The following CENPF variants were observed in gnomAD, a reference collection of about 807,000 sequenced individuals.
CENPF encodes the protein AH antigen.
In CENPF, 214 loss-of-function variants were observed where a neutral mutation model predicts 307.3. That is an observed-to-expected ratio of 0.70 (90% CI 0.62 to 0.78). The LOEUF is 0.78. Ranked by LOEUF, CENPF falls within the 30% of genes least tolerant of loss-of-function variation. CENPF has a pLI of 0.00. For synonymous variants in CENPF, 1,259 were observed against 1,270.6 expected (o/e 0.99, Z 0.19); for missense variants, 3,401 against 3,483.9 (o/e 0.98, Z 0.60).
rs763290470 is a variant in CENPF at position 214,663,689 on chromosome 1, G to A, written c.9240G>A (p.Pro3080=). 35 of 1,613,862 alleles carry A rather than the reference G, an allele frequency of 2.2e-5. No homozygotes were observed. Among genetic ancestry groups the A allele is most frequent in the South Asian group, 3.3e-5 (3 of 91,042 alleles). Residue 3080 remains proline (P), a synonymous_variant, in exon 20 of 20, where the codon CCG becomes CCA. Transcript: ENST00000366955. ...VPVNNLPERS[P]TDSPREGLRV... is the part of the protein sequence containing the mutation. ...TCAATAATCTTCCTGAGAGAAGTCC[G>A]ACTGACAGCCCCAGAGAGGGCCTGA...
Position 214,643,278 on chromosome 1 carries a change from G to A in CENPF, c.4940G>A (p.Gly1647Asp). Reference sequence around the variant, plus strand: ...GAAGTAGCACGACTCCAGCTACAAGGTCTGGACTTAAGTTCTCGGTCTTTG... The same window carrying A: ...GAAGTAGCACGACTCCAGCTACAAGATCTGGACTTAAGTTCTCGGTCTTTG... ...ELEVARLQLQ[G>D]LDLSSRSLLG... The change falls in exon 12 of 20, where the codon GGT (glycine) becomes GAT (aspartate). Residue 1647 changes from glycine (G) to aspartate (D), a missense_variant. Coordinates refer to ENST00000366955, the MANE Select transcript of CENPF (RefSeq NM_016343.4). The A allele has an allele frequency of 6.5e-7, 1 of 1,544,014 alleles. No homozygotes were observed. The highest frequency in any genetic ancestry group is 8.7e-7 in the Non-Finnish European group (1 of 1,151,484).
intron 10 of CENPF, among the ~76,000 whole-genome samples, chr1:214,636,287 T>A (rs1657964499): frequency 6.6e-6 from 1 of 152,234 alleles, no homozygotes; most frequent in South Asian, 2.1e-4. Context: ...AATTTAATGA[T>A]GCTAATTTAA....
At chr1:214,617,927 TA>T (rs1392427585) in intron 3 of CENPF, among the ~76,000 whole-genome samples, 2 of 152,204 alleles carry the variant, frequency 1.3e-5, no homozygotes, top group Non-Finnish European at 1.5e-5. Flanking sequence ...CAAACTGCTA[TA>T]AAGAACTGCC....
chr1:214,659,185 G>A lies in CENPF; in HGVS notation c.9141+157G>A, dbSNP rs1274018604. 2.0e-5 allele frequency among the ~76,000 whole-genome samples: 3 copies of A among 152,090 alleles called. No homozygotes were observed. The highest frequency in any genetic ancestry group is 4.8e-5 in the African/African-American group (2 of 41,392). On this transcript the variant is annotated intron_variant, in intron 19 of 19. Transcript: ENST00000366955. This position sits in a 1 kb window ranked among gnomAD's most constrained non-coding sequence, Gnocchi z 4.4. ...GTCAGTCAGTAGTGAGCAAGTGACCGGGTGAGCATTACAGTATCAGGGTAC... is the reference window on the plus strand; with the variant it reads ...GTCAGTCAGTAGTGAGCAAGTGACCAGGTGAGCATTACAGTATCAGGGTAC...
chr1:214,622,549 G>C (rs1186302323), intron 7 of CENPF, among the ~76,000 whole-genome samples: 1 of 152,164 alleles, frequency 6.6e-6, no homozygotes, highest in South Asian at 2.1e-4. Context: ...TAAAGAAAAT[G>C]TATATATAGC....
chr1:214,621,964 G>T lies in CENPF; in HGVS notation c.866-115G>T, dbSNP rs116709782. On this transcript the variant is annotated intron_variant, in intron 6 of 19. Transcript: ENST00000366955. ...CCAATTAAAGTAGCTTCTGTATTTA[G>T]TGTAAATATTTGTTTCGTCAAAGAT... is the stretch of plus-strand genomic sequence containing the variant. The T allele has an allele frequency of 0.017, 12,959 of 782,404 alleles. 167 individuals are homozygous for T. The highest frequency in any genetic ancestry group is 0.043 in the African/African-American group (2,413 of 56,698). The allele number at this position is 782,404 out of a possible 1,614,324, so 48.5% of individuals were successfully genotyped here.
Position 214,614,839 on chromosome 1 carries a change from A to G in CENPF, c.170A>G (p.Asn57Ser). 2 of 1,573,950 alleles carry G rather than the reference A, an allele frequency of 1.3e-6. No homozygotes were observed. The highest frequency in any genetic ancestry group is 1.7e-6 in the Non-Finnish European group (2 of 1,164,220). ...ALQKQKQKVE[N>S]EKTEGTNLKR... ...CTGAACAATTCTCATTAGGTTGAAA[A>G]TGAAAAAACCGAGGGTACAAACCTG... is the stretch of plus-strand genomic sequence containing the variant. The change falls in exon 3 of 20, where the codon AAT becomes AGT. Residue 57 changes from asparagine (N) to serine (S), a missense_variant. By Grantham distance (46) the Asn-to-Ser change is conservative. Transcript: ENST00000366955.
chr1:214,652,068 A>ATTTTTTTTTTTTTT (rs35011701), intron 15 of CENPF, among the ~76,000 whole-genome samples, 182 bp downstream of exon 15: 1 of 127,096 alleles, frequency 7.9e-6, no homozygotes, highest in African/African-American at 3.0e-5. Flanking sequence ...TTATCAGTTG[A>ATTTTTTTTTTTTTT]TTTTTTTTTT....
chr1:214,613,715 T>G lies in CENPF; in HGVS notation c.-40T>G. The G allele has an allele frequency of 6.5e-7, 1 of 1,544,928 alleles. No homozygotes were observed. Among genetic ancestry groups the G allele is most frequent in the Non-Finnish European group, 8.7e-7 (1 of 1,148,082 alleles). On this transcript the variant is annotated splice_region_variant and 5_prime_UTR_variant, in exon 2 of 20. Transcript: ENST00000366955. ...CAACAGTCTGGTTATTCTTTTCAGT[T>G]TATTTACAAATGTTGGAGTAATAAA... is the stretch of plus-strand genomic sequence containing the variant.
At chr1:214,622,318 A>G (rs1253843842) in intron 7 of CENPF, 37 bp downstream of exon 7, 3 of 1,457,036 alleles carry the variant, frequency 2.1e-6, no homozygotes, top group Non-Finnish European at 2.8e-6. Flanking sequence ...AGAAATCTTC[A>G]TCTTTTCATA....
At position 214,622,084 on chromosome 1, in the gene CENPF, A is replaced by G. The variant is rs551451575; in HGVS notation, c.871A>G (p.Arg291Gly). Reference protein sequence around the residue: ...DQLKAQNQELRNKINELELRL... With the variant: ...DQLKAQNQELGNKINELELRL... ...ATTTTTGTTTGTGGTTCAAGAGCTAAGAAACAAGATTAATGAGTTGGAACT... is the reference window on the plus strand; with the variant it reads ...ATTTTTGTTTGTGGTTCAAGAGCTAGGAAACAAGATTAATGAGTTGGAACT... The change falls in exon 7 of 20, where the codon AGA becomes GGA. Residue 291 changes from arginine to glycine, a missense_variant. Physicochemically the swap from Arg to Gly is moderately radical, Grantham distance 125. Transcript: ENST00000366955. 6.2e-7 allele frequency: 1 copy of G among 1,612,702 alleles called. No individual in the cohort carries two copies. Among genetic ancestry groups the G allele is most frequent in the South Asian group, 1.1e-5 (1 of 90,590 alleles).
Position 214,646,918 on chromosome 1 carries a change from C to T in CENPF, c.7348C>T (p.Leu2450Phe), listed in dbSNP as rs764006084. The change falls in exon 13 of 20, where the codon CTC becomes TTC. Residue 2450 changes from leucine (L) to phenylalanine (F), a missense_variant. Physicochemically the swap from Leu to Phe is conservative, Grantham distance 22. Coordinates refer to ENST00000366955, the MANE Select transcript of CENPF (RefSeq NM_016343.4). ...MEMLQTQLKE[L>F]NERVAALHND... is the part of the protein sequence containing the mutation. The stretch of plus-strand genomic sequence containing the variant: ...GATGCTTCAAACACAATTAAAAGAG[C>T]TCAATGAGAGAGTGGCAGCCCTGCA... 1.9e-6 allele frequency: 3 copies of T among 1,614,002 alleles called. No individual in the cohort carries two copies. Among genetic ancestry groups the T allele is most frequent in the East Asian group, 4.5e-5 (2 of 44,866 alleles).
At chr1:214,620,461 T>G (rs1291241979) in intron 5 of CENPF, among the ~76,000 whole-genome samples, 194 bp from the exon 6 acceptor site, 1 of 152,236 alleles carries the variant, frequency 6.6e-6, no homozygotes, top group African/African-American at 2.4e-5. Context: ...CCTTCAATGC[T>G]AAGAAGTCGA....
At chr1:214,630,757 AG>A in intron 9 of CENPF, 95 bp downstream of exon 9, 13 of 1,466,690 alleles carry the variant, frequency 8.9e-6, no homozygotes, top group Non-Finnish European at 1.2e-5. Flanking sequence ...ATACTTTCAA[AG>A]AAAAAGCGCT....
At chr1:214,630,363 C>T (rs1002104931) in intron 8 of CENPF, among the ~76,000 whole-genome samples, 171 bp from the exon 9 acceptor site, 3 of 152,144 alleles carry the variant, frequency 2.0e-5, no homozygotes, top group Non-Finnish European at 4.4e-5. Context: ...TGCCTGAGGG[C>T]AGCATGGAGC....
Position 214,642,810 on chromosome 1 carries a change from G to GA in CENPF, c.4473dup (p.Asp1492ArgfsTer20). 1 of 1,613,946 alleles carries GA rather than the reference G, an allele frequency of 6.2e-7. No individual in the cohort carries two copies. Among genetic ancestry groups the GA allele is most frequent in the Non-Finnish European group, 8.5e-7 (1 of 1,179,986 alleles). ...GACAGCTCTAGTCTTAGCAGTTTGG[G>GA]AGACTCCTCCTTTTACAGAGCTCTT... On this transcript the variant is annotated frameshift_variant, in exon 12 of 20. Coordinates refer to ENST00000366955, the MANE Select transcript of CENPF (RefSeq NM_016343.4). LOFTEE classifies it high-confidence loss of function.
At chr1:214,604,495 A>G (rs113055974) in intron 1 of CENPF, among the ~76,000 whole-genome samples, 20 of 152,218 alleles carry the variant, frequency 1.3e-4, no homozygotes, top group African/African-American at 4.3e-4. Flanking sequence ...GTCTACATCT[A>G]TATTGTTCTC....
chr1:214,645,847 T>C lies in CENPF; in HGVS notation c.6277T>C (p.Leu2093=). 1 of 1,614,124 alleles carries C rather than the reference T, an allele frequency of 6.2e-7. No homozygotes were observed. The highest frequency in any genetic ancestry group is 8.5e-7 in the Non-Finnish European group (1 of 1,180,028). Residue 2093 remains leucine (L), a synonymous_variant, in exon 13 of 20, where the codon TTG becomes CTG. Coordinates refer to ENST00000366955, the MANE Select transcript of CENPF (RefSeq NM_016343.4). ...DYEKLNVSKA[L]EAALVEKGEF... ...TGAAAAGCTGAATGTCTCCAAGGCC[T>C]TGGAGGCCGCACTGGTGGAGAAAGG...
Position 214,658,984 on chromosome 1 carries a change from G to A in CENPF, c.9097G>A (p.Ala3033Thr). The A allele has an allele frequency of 6.2e-7, 1 of 1,614,106 alleles. No homozygotes were observed. Among genetic ancestry groups the A allele is most frequent in the South Asian group, 1.1e-5 (1 of 91,076 alleles). Residue 3033 changes from alanine (A) to threonine (T), a missense_variant, in exon 19 of 20, where the codon GCA (alanine) becomes ACA (threonine). Transcript: ENST00000366955. The stretch of plus-strand genomic sequence containing the variant: ...ACTGAGTCTCGGCAAAGAAAATCTT[G>A]CAGAGTCCTCCAAACCAACAGCTGG... ...SPLSLGKENL[A>T]ESSKPTAGGS... is the part of the protein sequence containing the mutation.
Sources: allele counts gnomAD v4.1 joint callset (sites outside exome capture counted in the v4.1 genomes callset), GRCh38; gene constraint gnomAD v4.1.1; non-coding constraint Gnocchi (gnomAD v3.1); transcripts MANE v1.5; gene names NCBI Gene and HGNC (gene_info 2026-07-23, HGNC 2026-07-21).